Variants in SLCO2B1 observed in about 807,000 individuals in gnomAD.
SLCO2B1 encodes OATP-RP2.
A neutral mutation model predicts 67.3 loss-of-function variants in SLCO2B1; 41 were observed. The ratio of observed to expected loss-of-function variants is 0.61; its 90% confidence interval spans 0.47 to 0.79. The LOEUF is 0.79. Among genes scored for constraint, SLCO2B1 ranks in the 30% least tolerant of loss-of-function variants. The pLI is 0.00. For missense variants in SLCO2B1, 837 were observed against 920.1 expected (o/e 0.91, Z 1.17); for synonymous variants, 379 against 381.4 (o/e 0.99, Z 0.07).
Position 75,202,944 on chromosome 11 carries a change from T to C in SLCO2B1, c.1807T>C (p.Phe603Leu). 6.2e-7 allele frequency: 1 copy of C among 1,613,924 alleles called. No individual in the cohort carries two copies. Among genetic ancestry groups the C allele is most frequent in the Non-Finnish European group, 8.5e-7 (1 of 1,179,950 alleles). The change falls in exon 12 of 14, where the codon TTC becomes CTC. Residue 603 changes from phenylalanine (F) to leucine (L), a missense_variant. Coordinates refer to ENST00000289575, the MANE Select transcript of SLCO2B1 (RefSeq NM_007256.5). ...CAAGACTTTGGCTGTGGGCATCCAGTTCATGTTCCTGAGGATTTTGGGTAA... is the reference window on the plus strand; with the variant it reads ...CAAGACTTTGGCTGTGGGCATCCAGCTCATGTTCCTGAGGATTTTGGGTAA... Reference protein sequence around the residue: ...EDKTLAVGIQFMFLRILAWMP... With the variant: ...EDKTLAVGIQLMFLRILAWMP...
rs147713682 is a variant in SLCO2B1, at chr11:75,168,854, C to T, written c.449-319C>T. The stretch of plus-strand genomic sequence containing the variant: ...CAAACTACACCACCTTTGACCACCC[C>T]GCCCCACCCAGGGGCCACCGTTGCT... On this transcript the variant is annotated intron_variant, in intron 4 of 13. Coordinates refer to ENST00000289575, the MANE Select transcript of SLCO2B1 (RefSeq NM_007256.5). Among the ~76,000 whole-genome samples the T allele has an allele frequency of 8.5e-5, 13 of 152,314 alleles. No homozygotes were observed. In the East Asian group the frequency reaches 2.5e-3, roughly 29 times the overall value.
chr11:75,176,347 T>G (rs1950023103), intron 7 of SLCO2B1, among the ~76,000 whole-genome samples: 1 of 152,176 alleles, frequency 6.6e-6, no homozygotes, highest in South Asian at 2.1e-4. Context: ...GGCAAGCCTG[T>G]GCCATGAGGA....
At chr11:75,181,668 C>T (rs575322224) in intron 7 of SLCO2B1, among the ~76,000 whole-genome samples, 1 of 152,270 alleles carries the variant, frequency 6.6e-6, no homozygotes, top group East Asian at 1.9e-4. Context: ...CCTGGGGGCC[C>T]AGCAGACAGG....
rs1053152235 is a variant in SLCO2B1, at chr11:75,188,069, C to T, written c.973-67C>T. ...CTCTCCAAGACCTCTCCTCCCCAGCCCACAGCCAACTCTGAGTGGGGTTGC... is the reference window on the plus strand; with the variant it reads ...CTCTCCAAGACCTCTCCTCCCCAGCTCACAGCCAACTCTGAGTGGGGTTGC... On this transcript the variant is annotated intron_variant, in intron 7 of 13. Coordinates refer to ENST00000289575, the MANE Select transcript of SLCO2B1 (RefSeq NM_007256.5). 4 of 1,126,790 alleles carry T rather than the reference C, an allele frequency of 3.5e-6. No individual in the cohort carries two copies. The Admixed American group carries it at 5.7e-5, about 16-fold the overall frequency. The allele number at this position is 1,126,790 out of a possible 1,614,324, so 69.8% of individuals were successfully genotyped here. A position where few individuals can be genotyped will look rare whatever the true frequency, so the allele number is the denominator to read the frequency against.
intron 1 of SLCO2B1, among the ~76,000 whole-genome samples, chr11:75,162,146 C>T (rs1949828391): frequency 6.6e-6 from 1 of 152,048 alleles, no homozygotes; most frequent in Non-Finnish European, 1.5e-5. Flanking sequence ...TCCAATACAC[C>T]CCAGAAAAGC....
chr11:75,154,179 C>T (rs1195376993), intron 1 of SLCO2B1, among the ~76,000 whole-genome samples: 1 of 151,570 alleles, frequency 6.6e-6, no homozygotes, highest in Non-Finnish European at 1.5e-5. Flanking sequence ...CTGCCTCAGC[C>T]TCCCAAAGTG....
chr11:75,200,235 C>T lies in SLCO2B1; in HGVS notation c.1611C>T (p.Thr537=), dbSNP rs202128185. 1 of 1,611,164 alleles carries T rather than the reference C, an allele frequency of 6.2e-7. No homozygotes were observed. Among genetic ancestry groups the T allele is most frequent in the South Asian group, 1.1e-5 (1 of 90,752 alleles). Residue 537 remains threonine, a synonymous_variant, in exon 11 of 14, where the codon ACC becomes ACT. Transcript: ENST00000289575. The stretch of plus-strand genomic sequence containing the variant: ...TCTTCCCACTCCAGGTTTTCTACAC[C>T]AACTGCAGCTGCGTGGTGGAGGGCA... ...DALDNSQVFY[T]NCSCVVEGNP...
chr11:75,160,353 C>A (rs932104355), intron 1 of SLCO2B1, among the ~76,000 whole-genome samples: 1 of 152,244 alleles, frequency 6.6e-6, no homozygotes, highest in African/African-American at 2.4e-5. Flanking sequence ...TGCTAACCAG[C>A]AAAGCTAGTT....
chr11:75,190,061 TG>T (rs1193132355), intron 8 of SLCO2B1, among the ~76,000 whole-genome samples: 1 of 151,926 alleles, frequency 6.6e-6, no homozygotes, highest in Non-Finnish European at 1.5e-5. Flanking sequence ...ACTCCATGCA[TG>T]GTGCTGGGCC....
chr11:75,194,841 C>A (rs922878260), intron 9 of SLCO2B1, among the ~76,000 whole-genome samples: 1 of 152,224 alleles, frequency 6.6e-6, no homozygotes, highest in Non-Finnish European at 1.5e-5. Context: ...CACACCTTAG[C>A]TTTGACATCT....
At chr11:75,192,501 A>T (rs1484583538) in intron 8 of SLCO2B1, among the ~76,000 whole-genome samples, 1 of 152,128 alleles carries the variant, frequency 6.6e-6, no homozygotes, top group Non-Finnish European at 1.5e-5. Context: ...AAGGAGGATG[A>T]AGGCCTGGGA....
At chr11:75,173,890 A>T (rs1184908108) in intron 7 of SLCO2B1, among the ~76,000 whole-genome samples, 1 of 151,978 alleles carries the variant, frequency 6.6e-6, no homozygotes, top group Non-Finnish European at 1.5e-5. Context: ...ACAACCTCCA[A>T]CTCCCAGGTT....
At chr11:75,197,352 C>A (rs1945115131) in intron 10 of SLCO2B1, among the ~76,000 whole-genome samples, 1 of 152,180 alleles carries the variant, frequency 6.6e-6, no homozygotes, top group Non-Finnish European at 1.5e-5. Flanking sequence ...GGCATTTGTG[C>A]CAGACATTCA....
chr11:75,203,192 G>T, intron 12 of SLCO2B1, 115 bp from the exon 13 acceptor site: 1 of 1,452,288 alleles, frequency 6.9e-7, no homozygotes, highest in Middle Eastern at 2.5e-4. Flanking sequence ...GGGCTTGAGG[G>T]CCAGACAGCC....
In SLCO2B1 at chr11:75,205,650, T is replaced by C. The variant is rs1801906; in HGVS notation, c.*1070T>C. ...CCTGGTTCTCCGATGCCTGGGCTGGTGTCAGGCCCAGGACTGTAGTGCTGG... is the reference window on the plus strand; with the variant it reads ...CCTGGTTCTCCGATGCCTGGGCTGGCGTCAGGCCCAGGACTGTAGTGCTGG... On this transcript the variant is annotated 3_prime_UTR_variant, in exon 14 of 14. Coordinates refer to ENST00000289575, the MANE Select transcript of SLCO2B1 (RefSeq NM_007256.5). 21,538 of 152,274 alleles carry C rather than the reference T, an allele frequency of 0.14. 2,893 individuals carry two copies. Among genetic ancestry groups the C allele is most frequent in the African/African-American group, 0.35 (14,380 of 41,480 alleles). The allele number at this position is 152,274 out of a possible 1,614,324, so 9.4% of individuals were successfully genotyped here.
At chr11:75,200,909 C>A (rs7116044) in intron 11 of SLCO2B1, 5,537 of 152,654 alleles carry the variant, frequency 0.036, 168 homozygotes, top group Non-Finnish European at 0.054. Context: ...TCTTTGTGGC[C>A]CTCGTCCTAA....
chr11:75,177,366 T>C (rs1950038631), intron 7 of SLCO2B1, among the ~76,000 whole-genome samples: 1 of 152,090 alleles, frequency 6.6e-6, no homozygotes, highest in African/African-American at 2.4e-5. Flanking sequence ...GGATGAAAGG[T>C]AGCTGATCAT....
chr11:75,166,481 A>C (rs1444207135), intron 4 of SLCO2B1, among the ~76,000 whole-genome samples: 1 of 152,114 alleles, frequency 6.6e-6, no homozygotes, highest in Non-Finnish European at 1.5e-5. Context: ...TTGAGGCCCT[A>C]CTTGACAAAT....
At chr11:75,203,499 AG>A in intron 13 of SLCO2B1, 72 bp downstream of exon 13, 1 of 1,584,704 alleles carries the variant, frequency 6.3e-7, no homozygotes, top group Non-Finnish European at 8.6e-7. Flanking sequence ...GGATACCAGC[AG>A]GGAGGGGAGG....
Sources: allele counts gnomAD v4.1 joint callset (sites outside exome capture counted in the v4.1 genomes callset), GRCh38; gene constraint gnomAD v4.1.1; transcripts MANE v1.5; gene names NCBI Gene and HGNC (gene_info 2026-07-23, HGNC 2026-07-21).